Variants in PSG5 observed in about 807,000 individuals in gnomAD.
The protein encoded by PSG5 is pregnancy specific beta-1-glycoprotein 5.
A neutral mutation model predicts 37.7 loss-of-function variants in PSG5; 53 were observed. The observed-to-expected ratio is 1.41, with a 90% CI of 1.13 to 1.77. PSG5 has a LOEUF of 1.77. Among genes scored for constraint, PSG5 ranks in the 40% most tolerant of loss-of-function variants. The pLI is 0.00. For synonymous variants in PSG5, 221 were observed against 155.4 expected (o/e 1.42, Z -3.14); for missense variants, 547 against 405.2 (o/e 1.35, Z -3.00).
At chr19:43,173,978 A>C (rs1336872153) in intron 4 of PSG5, 1 of 151,728 alleles carries the variant, frequency 6.6e-6, no homozygotes, top group African/African-American at 2.4e-5. Context: ...GTCCATTGAA[A>C]GATAAGTGGG....
At chr19:43,182,705 A>ATTTTTTTTTTTTTTTTTTTTTTTTTT (rs534568803) in intron 2 of PSG5, among the ~76,000 whole-genome samples, 18 of 58,450 alleles carry the variant, frequency 3.1e-4, no homozygotes, top group South Asian at 1.9e-3. Context: ...CATTTCAATA[A>ATTTTTTTTTTTTTTTTTTTTTTTTTT]TTTTTTTTTT....
At chr19:43,180,040 G>C (rs1190058224) in intron 2 of PSG5, among the ~76,000 whole-genome samples, 1 of 151,674 alleles carries the variant, frequency 6.6e-6, no homozygotes, top group Non-Finnish European at 1.5e-5. Context: ...GACCATATGT[G>C]TTTGGTGGAT....
intron 4 of PSG5, chr19:43,174,940 C>G (rs1044355082): frequency 4.6e-6 from 6 of 1,311,750 alleles, no homozygotes; most frequent in Admixed American, 5.8e-5. Context: ...CTTCTCATCC[C>G]TCTGTGAAGC....
At chr19:43,185,266 A>AC in intron 1 of PSG5, 119 bp from the exon 2 acceptor site, 3 of 1,287,528 alleles carry the variant, frequency 2.3e-6, no homozygotes, top group Non-Finnish European at 2.2e-6. Flanking sequence ...ACACACACAC[A>AC]AACACACACA....
At chr19:43,177,661 A>C (rs1482934251) in intron 2 of PSG5, among the ~76,000 whole-genome samples, 2 of 151,434 alleles carry the variant, frequency 1.3e-5, no homozygotes, top group African/African-American at 2.4e-5. Flanking sequence ...AAACATTTTC[A>C]TGGTTGCATC....
At position 43,185,598 on chromosome 19, in the gene PSG5, C is replaced by T. The variant is rs934365561; in HGVS notation, c.65-451G>A. On this transcript the variant is annotated intron_variant, in intron 1 of 5. Transcript: ENST00000342951. ...TGACCTCACATTCTAGATCTCTTTG[C>T]ATGTCTGTCTTCCTCCCCATGACAG... 2.2e-4 allele frequency among the ~76,000 whole-genome samples: 33 copies of T among 151,388 alleles called. 1 individual carries two copies. The highest frequency in any genetic ancestry group is 9.7e-5 in the African/African-American group (4 of 41,028).
rs751333742 is a variant in PSG5, at chr19:43,185,224, A to G, written c.65-77T>C. ...AAAAGATGGAGCCCTGGGTCCTGAG[A>G]AGGTCTCTTCAATCCTCAGCCTTGA... is the stretch of plus-strand genomic sequence containing the variant. On this transcript the variant is annotated intron_variant, in intron 1 of 5. Transcript: ENST00000342951. 6.5e-5 allele frequency: 96 copies of G among 1,469,656 alleles called. 2 individuals are homozygous for G. Among genetic ancestry groups the G allele is most frequent in the East Asian group, 3.4e-4 (15 of 44,092 alleles). The allele number at this position is 1,469,656 out of a possible 1,614,324, so 91.0% of individuals were successfully genotyped here.
intron 2 of PSG5, among the ~76,000 whole-genome samples, chr19:43,176,986 A>G (rs1185821126): frequency 6.6e-6 from 1 of 151,698 alleles, no homozygotes; most frequent in Non-Finnish European, 1.5e-5. Context: ...TGATTGGTAG[A>G]AAGGGTGGGA....
chr19:43,170,901 C>T (rs1968892319), intron 4 of PSG5: 1 of 151,398 alleles, frequency 6.6e-6, no homozygotes, highest in Admixed American at 6.6e-5. Flanking sequence ...ACATATCAGG[C>T]TTGATTCTTT....
At position 43,182,826 on chromosome 19, in the gene PSG5, A is replaced by G. The variant is rs1024196576; in HGVS notation, c.430+1956T>C. Among the ~76,000 whole-genome samples the G allele has an allele frequency of 1.2e-4, 17 of 147,364 alleles. No homozygotes were observed. In the South Asian group the frequency reaches 2.4e-3, roughly 21 times the overall value. ...CCACAGGTCAGCCTCACAAAGGGAAAGAGCCCTGGATGGGAATACAGTGGA... is the reference window on the plus strand; with the variant it reads ...CCACAGGTCAGCCTCACAAAGGGAAGGAGCCCTGGATGGGAATACAGTGGA... On this transcript the variant is annotated intron_variant, in intron 2 of 5. Transcript: ENST00000342951.
intron 5 of PSG5, among the ~76,000 whole-genome samples, chr19:43,169,475 GGT>G (rs1968857629): frequency 6.6e-6 from 1 of 151,556 alleles, no homozygotes; most frequent in Non-Finnish European, 1.5e-5. Flanking sequence ...TGTCTATATG[GGT>G]GAAGGGGCAG....
Position 43,172,340 on chromosome 19 carries a change from A to G in PSG5, c.965-2202T>C, listed in dbSNP as rs879351573. 8.6e-5 allele frequency among the ~76,000 whole-genome samples: 13 copies of G among 151,706 alleles called. 2 individuals are homozygous for G. The highest frequency in any genetic ancestry group is 2.2e-4 in the African/African-American group (9 of 41,204). On this transcript the variant is annotated intron_variant, in intron 4 of 5. Coordinates refer to ENST00000342951, the MANE Select transcript of PSG5 (RefSeq NM_002781.4). ...CTGTATGAGCAGGAACAAGACAAGG[A>G]TGCCTGCTTTTGACACTTTTATTCA...
At chr19:43,185,508 A>G (rs1194119821) in intron 1 of PSG5, among the ~76,000 whole-genome samples, 1 of 148,054 alleles carries the variant, frequency 6.8e-6, no homozygotes, top group African/African-American at 2.5e-5. Flanking sequence ...CGTCCTTCAG[A>G]GACCCTGGGT....
intron 1 of PSG5, among the ~76,000 whole-genome samples, chr19:43,185,456 G>A (rs1599757683): frequency 1.4e-5 from 2 of 146,180 alleles, no homozygotes; most frequent in Non-Finnish European, 3.0e-5. Context: ...CTGCCCTCAG[G>A]TCCTGCTCAC....
chr19:43,186,195 C>T lies in PSG5; in HGVS notation c.64+147G>A, dbSNP rs1224320499. ...GCTTCACTGTGTTGGCAGGACTGACCTTGAACTCCTGATCTCATAATCCAC... is the reference window on the plus strand; with the variant it reads ...GCTTCACTGTGTTGGCAGGACTGACTTTGAACTCCTGATCTCATAATCCAC... On this transcript the variant is annotated intron_variant, in intron 1 of 5. Coordinates refer to ENST00000342951, the MANE Select transcript of PSG5 (RefSeq NM_002781.4). 12 of 1,400,174 alleles carry T rather than the reference C, an allele frequency of 8.6e-6. 1 individual carries two copies. Among genetic ancestry groups the T allele is most frequent in the African/African-American group, 2.9e-5 (2 of 68,364 alleles). 86.7% of individuals were successfully genotyped at this position (1,400,174 alleles called of 1,614,324 possible).
At chr19:43,178,744 G>C in intron 2 of PSG5, 1 of 1,589,852 alleles carries the variant, frequency 6.3e-7, no homozygotes, top group Non-Finnish European at 8.6e-7. Flanking sequence ...GCCTGGGGCA[G>C]AAAGTCATGG....
chr19:43,175,803 G>T (rs1402734703), intron 3 of PSG5, 67 bp downstream of exon 3: 1 of 1,597,468 alleles, frequency 6.3e-7, no homozygotes. Context: ...AAGACTGAGA[G>T]GACTGGCTTG....
chr19:43,176,083 C>T lies in PSG5; in HGVS notation c.496G>A (p.Ala166Thr), dbSNP rs142461950. 290 of 1,609,794 alleles carry T rather than the reference C, an allele frequency of 1.8e-4. 8 individuals are homozygous for T. The African/African-American group carries it at 3.3e-3, about 19-fold the overall frequency. Residue 166 changes from alanine (A) to threonine (T), a missense_variant, in exon 3 of 6, where the codon GCC (alanine) becomes ACC (threonine). By Grantham distance (58) the Ala-to-Thr change is moderately conservative. Transcript: ENST00000342951. Reference protein sequence around the residue: ...SKPRENKDVLAFTCEPKSENY... With the variant: ...SKPRENKDVLTFTCEPKSENY... ...TCACTCTTAGGTTCACAGGTGAAGGCTAAGACATCCTTATTCTCCCTGGGT... is the reference window on the plus strand; with the variant it reads ...TCACTCTTAGGTTCACAGGTGAAGGTTAAGACATCCTTATTCTCCCTGGGT...
chr19:43,179,196 C>A (rs754000288), intron 2 of PSG5: 4 of 1,550,460 alleles, frequency 2.6e-6, no homozygotes, highest in Non-Finnish European at 3.5e-6. Context: ...CTGTGTGGCA[C>A]CTTTGATTCC....
Sources: gnomAD v4.1 joint callset for allele counts (sites outside exome capture counted in the v4.1 genomes callset) on GRCh38, gnomAD v4.1.1 for gene constraint, MANE v1.5 for transcripts, NCBI Gene and HGNC (gene_info 2026-07-23, HGNC 2026-07-21) for gene names.